BCLAF1: variants seen among roughly 807,000 people sequenced by gnomAD.
BCLAF1 encodes bcl-2-associated transcription factor 1.
A neutral mutation model predicts 99.5 loss-of-function variants in BCLAF1; 10 were observed. The ratio of observed to expected loss-of-function variants is 0.10; its 90% CI spans 0.06 to 0.17. The LOEUF (loss-of-function observed/expected upper bound fraction) is 0.17, where lower values mean the gene tolerates loss of function less well. Among genes scored for constraint, BCLAF1 ranks in the 10% least tolerant of loss-of-function variants. BCLAF1 has a pLI of 1.00. For missense variants in BCLAF1, 636 were observed against 1,105.8 expected (o/e 0.58, Z 6.02); for synonymous variants, 255 against 370.9 (o/e 0.69, Z 3.59).
intron 1 of BCLAF1, among the ~76,000 whole-genome samples, chr6:136,287,085 A>T (rs1785240582): frequency 6.6e-6 from 1 of 152,132 alleles, no homozygotes; most frequent in South Asian, 2.1e-4. Flanking sequence ...GGTTGCAGTC[A>T]GCCAAGATCA....
intron 1 of BCLAF1, among the ~76,000 whole-genome samples, chr6:136,288,734 CTTAAA>C (rs1238804899): frequency 6.6e-6 from 1 of 152,154 alleles, no homozygotes; most frequent in Non-Finnish European, 1.5e-5. Context: ...AGAAATAAAT[CTTAAA>C]AGCGAATCAA....
At chr6:136,277,805 A>T (rs1430888418) in intron 4 of BCLAF1, 60 bp downstream of exon 4, 3 of 1,523,294 alleles carry the variant, frequency 2.0e-6, no homozygotes, top group Non-Finnish European at 1.8e-6. Flanking sequence ...TTATAATTCC[A>T]AACAGAATTC....
At chr6:136,274,236 T>C (rs772584791) in intron 6 of BCLAF1, 6 of 1,095,762 alleles carry the variant, frequency 5.5e-6, no homozygotes, top group Middle Eastern at 2.3e-4. Flanking sequence ...TTCAGCTCTA[T>C]ATAAAGTAAG....
At chr6:136,286,312 A>G (rs1785122522) in intron 1 of BCLAF1, among the ~76,000 whole-genome samples, 1 of 152,348 alleles carries the variant, frequency 6.6e-6, no homozygotes, top group Non-Finnish European at 1.5e-5. Flanking sequence ...CTATTATTCC[A>G]GTAGTCTAGA....
At chr6:136,279,068 A>C (rs1047707257) in intron 3 of BCLAF1, among the ~76,000 whole-genome samples, 8 of 151,770 alleles carry the variant, frequency 5.3e-5, no homozygotes, top group African/African-American at 1.9e-4. Context: ...CATATTAGCA[A>C]ATTGTAGTAC....
At chr6:136,266,923 A>G (rs1781798113) in intron 11 of BCLAF1, 106 bp downstream of exon 11, 5 of 1,367,508 alleles carry the variant, frequency 3.7e-6, no homozygotes, top group African/African-American at 2.9e-5. Flanking sequence ...TTTCCCACAT[A>G]ACGGTGAATC....
intron 2 of BCLAF1, 85 bp from the exon 3 acceptor site, chr6:136,279,961 T>C: frequency 6.2e-6 from 8 of 1,284,358 alleles, no homozygotes; most frequent in Non-Finnish European, 8.0e-6. Context: ...CAGATAAAAT[T>C]TGATTTTTAC....
At chr6:136,276,555 T>C (rs1053668241) in intron 4 of BCLAF1, 47 bp from the exon 5 acceptor site, 3 of 1,517,408 alleles carry the variant, frequency 2.0e-6, no homozygotes, top group Non-Finnish European at 2.6e-6. Flanking sequence ...TTGCATTCAC[T>C]GTAGATCGCT....
At chr6:136,281,203 C>T (rs1056410813) in intron 2 of BCLAF1, among the ~76,000 whole-genome samples, 5 of 152,156 alleles carry the variant, frequency 3.3e-5, no homozygotes, top group Admixed American at 3.3e-4. Flanking sequence ...CACTCTTCTT[C>T]TCAATCCCAA....
chr6:136,273,180 G>A lies in BCLAF1; in HGVS notation c.1860C>T (p.Tyr620=), dbSNP rs141361212. The change falls in exon 7 of 13, where the codon TAC becomes TAT. Residue 620 remains tyrosine (Y), a synonymous_variant. Transcript: ENST00000531224. The part of the protein sequence containing the change: ...VSLVHHVKEQ[Y]FKSAAMTLNE... ...TTAGGGTCATTGCAGCTGACTTGAA[G>A]TATTGCTCTGTTGATTTAGAAGAAA... 3 of 1,610,832 alleles carry A rather than the reference G, an allele frequency of 1.9e-6. No homozygotes were observed. The African/African-American group carries it at 4.0e-5, about 22-fold the overall frequency.
At chr6:136,275,767 G>A (rs1430725323) in intron 5 of BCLAF1, 66 bp from the exon 6 acceptor site, 50 of 1,562,782 alleles carry the variant, frequency 3.2e-5, no homozygotes, top group Non-Finnish European at 4.1e-5. Flanking sequence ...AAAATGGTAT[G>A]TTCAGAAAGT....
rs1325447386 is a variant in BCLAF1 at position 136,275,559 on chromosome 6, T to C, written c.1825A>G (p.Ile609Val). ...KSTSESFIQH[I>V]VSLVHHVKEQ... ...TTAACATGATGAACCAAGGACACAA[T>C]GTGTTGAATAAATGACTCTGAAGTG... Residue 609 changes from isoleucine (I) to valine (V), a missense_variant, in exon 6 of 13, where the codon ATT (isoleucine) becomes GTT (valine). Ile to Val is a conservative substitution (Grantham distance 29). This residue lies in a region of BCLAF1 where 180 missense variants were observed against 270.0 expected (regional missense o/e 0.67). Coordinates refer to ENST00000531224, the MANE Select transcript of BCLAF1 (RefSeq NM_014739.3). 6.4e-7 allele frequency: 1 copy of C among 1,569,770 alleles called. No homozygotes were observed. Among genetic ancestry groups the C allele is most frequent in the Non-Finnish European group, 8.6e-7 (1 of 1,162,534 alleles).
chr6:136,276,251 G>A lies in BCLAF1; in HGVS notation c.1274C>T (p.Thr425Ile), dbSNP rs61757627. 3.2e-3 allele frequency: 5,166 copies of A among 1,605,002 alleles called. 9 individuals are homozygous for A. Among genetic ancestry groups the A allele is most frequent in the Non-Finnish European group, 4.1e-3 (4,788 of 1,176,700 alleles). The change falls in exon 5 of 13, where the codon ACT becomes ATT. Residue 425 changes from threonine (T) to isoleucine (I), a missense_variant. Thr to Ile is a moderately conservative substitution (Grantham distance 89). Around this residue, in one of 9 missense-constraint regions of BCLAF1, gnomAD observed 186 missense variants for 275.3 expected, o/e 0.68. Transcript: ENST00000531224. Reference sequence around the variant, plus strand: ...CTCCTCAGTATTCCGGTGAGATGCAGTAGCAAAACTTTTACCCTGATCTGC... The same window carrying A: ...CTCCTCAGTATTCCGGTGAGATGCAATAGCAAAACTTTTACCCTGATCTGC... ...VLADQGKSFA[T>I]ASHRNTEEEG...
chr6:136,272,519 G>T (rs905876529), intron 7 of BCLAF1, among the ~76,000 whole-genome samples: 1 of 151,860 alleles, frequency 6.6e-6, no homozygotes, highest in African/African-American at 2.4e-5. Context: ...TTCTTTAGCA[G>T]TCATCACCAA....
At chr6:136,278,922 T>C (rs1483794570) in intron 3 of BCLAF1, 146 bp from the exon 4 acceptor site, 1 of 822,416 alleles carries the variant, frequency 1.2e-6, no homozygotes, top group Non-Finnish European at 1.7e-6. Flanking sequence ...AAGTTAATGG[T>C]TTCCAATCAA....
chr6:136,277,768 A>G, intron 4 of BCLAF1, 97 bp downstream of exon 4: 2 of 1,383,952 alleles, frequency 1.4e-6, no homozygotes, highest in Non-Finnish European at 1.9e-6. Flanking sequence ...AAAAACCGCT[A>G]GTTAAATACA....
Position 136,276,276 on chromosome 6 carries a change from C to T in BCLAF1, c.1249G>A (p.Ala417Thr), listed in dbSNP as rs761515386. 6 of 1,593,380 alleles carry T rather than the reference C, an allele frequency of 3.8e-6. No homozygotes were observed. The South Asian group carries it at 5.7e-5, about 15-fold the overall frequency. The change falls in exon 5 of 13, where the codon GCA becomes ACA. Residue 417 changes from alanine (A) to threonine (T), a missense_variant. Ala to Thr is a moderately conservative substitution (Grantham distance 58, BLOSUM62 0). This residue lies in a region of BCLAF1 where 186 missense variants were observed against 275.3 expected (regional missense o/e 0.68). Transcript: ENST00000531224. ...DYRQFRKSVL[A>T]DQGKSFATAS... is the part of the protein sequence containing the mutation. Reference sequence around the variant, plus strand: ...GTAGCAAAACTTTTACCCTGATCTGCGAGGACTGACTTCCTGAACTGTCTA... The same window carrying T: ...GTAGCAAAACTTTTACCCTGATCTGTGAGGACTGACTTCCTGAACTGTCTA...
Position 136,257,264 on chromosome 6 carries a change from T to A in BCLAF1, c.*3846A>T, listed in dbSNP as rs983097505. 6.6e-6 allele frequency: 1 copy of A among 152,222 alleles called. No homozygotes were observed. The highest frequency in any genetic ancestry group is 2.4e-5 in the African/African-American group (1 of 41,460). The allele number at this position is 152,222 out of a possible 1,614,324, so 9.4% of individuals were successfully genotyped here. ...TTACAATTAAGACACATTATTTGAA[T>A]GTTTCTAGTTGTGGTGGAATGCTAT... On this transcript the variant is annotated 3_prime_UTR_variant, in exon 13 of 13. Coordinates refer to ENST00000531224, the MANE Select transcript of BCLAF1 (RefSeq NM_014739.3).
At chr6:136,268,021 C>G in intron 10 of BCLAF1, 141 bp downstream of exon 10, 1 of 808,902 alleles carries the variant, frequency 1.2e-6, no homozygotes. Context: ...CTTCAAACAC[C>G]ACTTCATGTT....
Sources: gnomAD v4.1 joint callset for allele counts (sites outside exome capture counted in the v4.1 genomes callset) on GRCh38, gnomAD v4.1.1 for gene constraint, gnomAD v4.1.1 regional missense constraint, MANE v1.5 for transcripts, NCBI Gene and HGNC (gene_info 2026-07-23, HGNC 2026-07-21) for gene names.